GALNT13: variants seen among roughly 807,000 people sequenced by gnomAD.
GALNT13 encodes polypeptide N-acetylgalactosaminyltransferase 13.
In GALNT13, 28 loss-of-function variants were observed where a neutral mutation model predicts 64.2. That is an observed-to-expected ratio of 0.44 (90% CI 0.32 to 0.60). The LOEUF is 0.60. Among genes scored for constraint, GALNT13 ranks in the 20% least tolerant of loss-of-function variants. The pLI, the probability that GALNT13 is intolerant of heterozygous loss-of-function variation, is 0.05. For synonymous variants in GALNT13, 214 were observed against 224.6 expected (o/e 0.95, Z 0.42); for missense variants, 577 against 669.8 (o/e 0.86, Z 1.53).
At chr2:153,753,531 G>A in the GALNT13 span, among the ~76,000 whole-genome samples, 7 of 152,152 alleles carry the variant, frequency 4.6e-5, no homozygotes, top group African/African-American at 7.2e-5. Flanking sequence ...CTAGACCCAG[G>A]AGAATTCTCT....
At chr2:154,309,807 G>A (rs562364776) in intron 9 of GALNT13, among the ~76,000 whole-genome samples, 8 of 152,246 alleles carry the variant, frequency 5.3e-5, no homozygotes, top group South Asian at 4.1e-4. Flanking sequence ...CTCTTAGAGC[G>A]CTGCTGGAGG....
the GALNT13 span, among the ~76,000 whole-genome samples, chr2:153,562,674 C>T: frequency 2.6e-5 from 4 of 152,146 alleles, no homozygotes; most frequent in South Asian, 8.3e-4. Context: ...GTTCAATATT[C>T]TTGCAAATTT....
the GALNT13 span, among the ~76,000 whole-genome samples, chr2:153,769,847 C>A: frequency 2.0e-5 from 3 of 152,242 alleles, no homozygotes; most frequent in Admixed American, 1.3e-4. Context: ...TTCTTTCACT[C>A]AATTTAGCCT....
At chr2:153,903,104 C>G (rs1688338595) in intron 2 of GALNT13, among the ~76,000 whole-genome samples, 1 of 151,960 alleles carries the variant, frequency 6.6e-6, no homozygotes, top group African/African-American at 2.4e-5. Context: ...AGTGATAAAT[C>G]TCTTGTATAT....
At chr2:153,684,163 A>T in the GALNT13 span, among the ~76,000 whole-genome samples, 2 of 151,648 alleles carry the variant, frequency 1.3e-5, no homozygotes, top group Admixed American at 6.6e-5. Flanking sequence ...CCTGGGAGAA[A>T]TTATAGTTTG....
At chr2:153,351,964 A>G in the GALNT13 span, among the ~76,000 whole-genome samples, 38 of 152,276 alleles carry the variant, frequency 2.5e-4, no homozygotes, top group African/African-American at 8.4e-4. Context: ...AACTTCTTTC[A>G]GTAAATACTA....
chr2:153,507,162 T>C, the GALNT13 span, among the ~76,000 whole-genome samples: 1 of 152,170 alleles, frequency 6.6e-6, no homozygotes, highest in Non-Finnish European at 1.5e-5. Context: ...CCAGTGCATT[T>C]TGCATTTCTC....
intron 3 of GALNT13, among the ~76,000 whole-genome samples, chr2:154,011,220 T>C (rs1574324364): frequency 3.3e-5 from 1 of 30,164 alleles, no homozygotes; most frequent in East Asian, 6.0e-3. Context: ...AACTTTGTGA[T>C]GTAGCTTTCT....
chr2:154,356,917 T>C (rs1420136520), intron 9 of GALNT13, among the ~76,000 whole-genome samples: 1 of 152,052 alleles, frequency 6.6e-6, no homozygotes, highest in African/African-American at 2.4e-5. Flanking sequence ...CATAGGTATC[T>C]GTTTAGGAAA....
the GALNT13 span, among the ~76,000 whole-genome samples, chr2:153,580,974 TC>T: frequency 5.9e-5 from 9 of 152,180 alleles, no homozygotes; most frequent in Non-Finnish European, 1.0e-4. Context: ...GGTTGATACT[TC>T]TCTTGCCTTC....
the GALNT13 span, among the ~76,000 whole-genome samples, chr2:153,597,641 T>G: frequency 2.0e-5 from 3 of 152,062 alleles, no homozygotes; most frequent in Non-Finnish European, 4.4e-5. Context: ...GACTTTATCA[T>G]AATTAAGAAA....
intron 3 of GALNT13, among the ~76,000 whole-genome samples, chr2:154,028,071 A>C (rs1698093645): frequency 6.6e-6 from 1 of 152,156 alleles, no homozygotes. Context: ...CTATTGCCAA[A>C]GGAGGATGGT....
At chr2:153,626,077 C>T in the GALNT13 span, among the ~76,000 whole-genome samples, 1 of 152,046 alleles carries the variant, frequency 6.6e-6, no homozygotes, top group Non-Finnish European at 1.5e-5. Flanking sequence ...GATGCATACT[C>T]CATACTGTAA....
At chr2:154,022,037 A>G (rs1444317798) in intron 3 of GALNT13, among the ~76,000 whole-genome samples, 9 of 152,196 alleles carry the variant, frequency 5.9e-5, no homozygotes, top group Admixed American at 1.3e-4. Flanking sequence ...CCAGCCTTGC[A>G]TCCCAGGGAT....
At chr2:154,038,698 T>G (rs1698806219) in intron 3 of GALNT13, among the ~76,000 whole-genome samples, 1 of 151,768 alleles carries the variant, frequency 6.6e-6, no homozygotes, top group South Asian at 2.1e-4. Context: ...AAGACATGAG[T>G]CCAGGCAAAG....
the GALNT13 span, among the ~76,000 whole-genome samples, chr2:153,737,983 C>G: frequency 6.6e-6 from 1 of 152,082 alleles, no homozygotes; most frequent in East Asian, 1.9e-4. Flanking sequence ...TTAATATAGT[C>G]TATCTTGTGT....
intron 7 of GALNT13, 27 bp from the exon 8 acceptor site, chr2:154,258,994 C>A (rs745645670): frequency 5.1e-6 from 6 of 1,166,254 alleles, no homozygotes; most frequent in African/African-American, 1.5e-5. Flanking sequence ...AAAAGATATT[C>A]TTTTCTTTTT....
intron 3 of GALNT13, among the ~76,000 whole-genome samples, chr2:154,032,023 A>C (rs920623167): frequency 6.6e-6 from 1 of 152,052 alleles, no homozygotes; most frequent in Admixed American, 6.6e-5. Flanking sequence ...CAGAACAGAA[A>C]AAAACTAAAA....
chr2:154,200,242 G>A (rs1236670613), intron 4 of GALNT13, among the ~76,000 whole-genome samples: 2 of 151,840 alleles, frequency 1.3e-5, no homozygotes, highest in African/African-American at 2.4e-5. Flanking sequence ...CTTATGTAAT[G>A]CATAATTTTT....
Sources: gnomAD v4.1 joint callset for allele counts (sites outside exome capture counted in the v4.1 genomes callset) on GRCh38, gnomAD v4.1.1 for gene constraint, MANE v1.5 for transcripts, NCBI Gene and HGNC (gene_info 2026-07-23, HGNC 2026-07-21) for gene names.